The following MED13L variants were observed in gnomAD, a reference collection of about 807,000 sequenced individuals.
The protein encoded by MED13L is mediator of RNA polymerase II transcription subunit 13-like.
Under a neutral mutation model 220.9 loss-of-function variants are expected in MED13L, and 7 were observed. The ratio of observed to expected loss-of-function variants is 0.03; its 90% CI spans 0.02 to 0.06. The LOEUF (loss-of-function observed/expected upper bound fraction) is 0.06, where lower values mean the gene tolerates loss of function less well. Among genes scored for constraint, MED13L ranks in the 10% least tolerant of loss-of-function variants. The probability of loss-of-function intolerance (pLI) is 1.00; values close to 1 mark genes in which losing one functional copy is unlikely to be tolerated. For missense variants in MED13L, 1,965 were observed against 2,760.5 expected (o/e 0.71, Z 6.46); for synonymous variants, 1,011 against 1,015.2 (o/e 1.00, Z 0.08).
chr12:116,262,785 T>C (rs1565956085), intron 1 of MED13L, among the ~76,000 whole-genome samples: 1 of 152,210 alleles, frequency 6.6e-6, no homozygotes, highest in Non-Finnish European at 1.5e-5. Context: ...TGTTATAGGA[T>C]CTTGCAGATT....
chr12:115,991,187 C>T lies in MED13L; in HGVS notation c.3767G>A (p.Cys1256Tyr). Reference sequence around the variant, plus strand: ...CACCCGGTCATAACTCCAGCTTACACAGGGAAGAGTTTGGCGATTGTTAGA... The same window carrying T: ...CACCCGGTCATAACTCCAGCTTACATAGGGAAGAGTTTGGCGATTGTTAGA... ...ISSNNRQTLP[C>Y]VSWSYDRVQA... Residue 1256 changes from cysteine (C) to tyrosine (Y), a missense_variant, in exon 17 of 31, where the codon TGT becomes TAT. By Grantham distance (194) the Cys-to-Tyr change is radical (BLOSUM62 -2). This residue lies in a region of MED13L where 165 missense variants were observed against 190.8 expected (regional missense o/e 0.86). Transcript: ENST00000281928. This position sits in a 1 kb window ranked among gnomAD's most constrained non-coding sequence, Gnocchi z 7.7. 1 of 1,614,114 alleles carries T rather than the reference C, an allele frequency of 6.2e-7. No individual in the cohort carries two copies. The highest frequency in any genetic ancestry group is 8.5e-7 in the Non-Finnish European group (1 of 1,180,034).
chr12:116,064,921 C>T lies in MED13L; in HGVS notation c.479+31748G>A, dbSNP rs78364567. 3.4e-3 allele frequency among the ~76,000 whole-genome samples: 510 copies of T among 152,156 alleles called. 19 individuals carry two copies. The East Asian group carries it at 0.08, about 24-fold the overall frequency. ...CTAGCACAATGTGTGGCATATAGTCCGCTTTAAAATAAATATATGTGTCTA... is the reference window on the plus strand; with the variant it reads ...CTAGCACAATGTGTGGCATATAGTCTGCTTTAAAATAAATATATGTGTCTA... On this transcript the variant is annotated intron_variant, in intron 4 of 30. Coordinates refer to ENST00000281928, the MANE Select transcript of MED13L (RefSeq NM_015335.5).
At chr12:116,148,048 T>C (rs1270266094) in intron 2 of MED13L, among the ~76,000 whole-genome samples, 1 of 28,572 alleles carries the variant, frequency 3.5e-5, no homozygotes, top group Non-Finnish European at 6.7e-5. Flanking sequence ...CAAGACCCCA[T>C]CTCAAAAAAA....
At chr12:116,239,897 G>A (rs1870464563) in intron 1 of MED13L, among the ~76,000 whole-genome samples, 1 of 152,300 alleles carries the variant, frequency 6.6e-6, no homozygotes, top group South Asian at 2.1e-4. Context: ...TCACATCTTT[G>A]ATCAGATGGG....
At chr12:116,167,482 C>G (rs914473570) in intron 2 of MED13L, among the ~76,000 whole-genome samples, 1 of 152,054 alleles carries the variant, frequency 6.6e-6, no homozygotes, top group Non-Finnish European at 1.5e-5. Context: ...GGAGGTTTAA[C>G]GTTTCCCCAC....
intron 2 of MED13L, among the ~76,000 whole-genome samples, chr12:116,117,167 T>A (rs1874595743): frequency 6.6e-6 from 1 of 152,046 alleles, no homozygotes; most frequent in African/African-American, 2.4e-5. Flanking sequence ...CTCATTATGC[T>A]AAGTAAAAAG....
intron 3 of MED13L, among the ~76,000 whole-genome samples, chr12:116,108,896 T>C (rs1338435267): frequency 6.6e-6 from 1 of 152,054 alleles, no homozygotes; most frequent in Non-Finnish European, 1.5e-5. Flanking sequence ...TATATATCTA[T>C]CATCTAGCAA....
chr12:116,007,310 G>A, intron 11 of MED13L, 101 bp downstream of exon 11: 5 of 1,059,954 alleles, frequency 4.7e-6, no homozygotes, highest in Non-Finnish European at 7.3e-6. Context: ...AATCAGGCAA[G>A]ACTATCTCAA....
chr12:116,183,450 A>G (rs1329494752), intron 2 of MED13L, among the ~76,000 whole-genome samples: 3 of 152,204 alleles, frequency 2.0e-5, no homozygotes, highest in East Asian at 1.9e-4. Flanking sequence ...AAAACATATC[A>G]AAGTAAAATG....
chr12:116,116,332 T>C (rs7485441), intron 2 of MED13L, among the ~76,000 whole-genome samples: 5,831 of 152,172 alleles, frequency 0.038, 215 homozygotes, highest in Non-Finnish European at 0.051. Flanking sequence ...ACCTACATGA[T>C]TATATAACGA....
rs143748811 is a variant in MED13L, at chr12:115,968,828, G to A, written c.6225+112C>T. 85 of 1,344,820 alleles carry A rather than the reference G, an allele frequency of 6.3e-5. No individual in the cohort carries two copies. In the African/African-American group the frequency reaches 1.2e-3, roughly 19 times the overall value. 83.3% of individuals were successfully genotyped at this position (1,344,820 alleles called of 1,614,324 possible). A position where few individuals can be genotyped will look rare whatever the true frequency, so the allele number is the denominator to read the frequency against. ...CCACACTTATTTCTCTTGTACCAAG[G>A]ACCCAGACCATCAAGAACTGTGCAA... On this transcript the variant is annotated intron_variant, in intron 28 of 30. Transcript: ENST00000281928.
At chr12:115,970,542 C>A (rs184798411) in intron 27 of MED13L, 52 bp downstream of exon 27, 2 of 1,579,254 alleles carry the variant, frequency 1.3e-6, no homozygotes, top group African/African-American at 2.7e-5. Flanking sequence ...TTCCATACTC[C>A]GGCTCTGCCC....
At chr12:116,035,473 C>T (rs1881127008) in intron 4 of MED13L, among the ~76,000 whole-genome samples, 1 of 152,024 alleles carries the variant, frequency 6.6e-6, no homozygotes, top group Non-Finnish European at 1.5e-5. Flanking sequence ...GATACATTTT[C>T]CTATCATTTA....
intron 1 of MED13L, among the ~76,000 whole-genome samples, chr12:116,258,261 A>G (rs551311982): frequency 1.3e-5 from 2 of 152,338 alleles, no homozygotes; most frequent in East Asian, 3.9e-4. Context: ...CAAGCTACTT[A>G]AATTTCTTGT....
At chr12:116,033,278 G>C (rs115939778) in intron 4 of MED13L, among the ~76,000 whole-genome samples, 2 of 151,926 alleles carry the variant, frequency 1.3e-5, no homozygotes, top group African/African-American at 4.8e-5. Flanking sequence ...TAAACACCTG[G>C]GCTTATACCT....
At chr12:115,964,819 A>C (rs186513527) in intron 29 of MED13L, among the ~76,000 whole-genome samples, 11 of 152,284 alleles carry the variant, frequency 7.2e-5, no homozygotes, top group Non-Finnish European at 1.5e-4. Flanking sequence ...GCATATCTGG[A>C]ATCAGTCATC....
At chr12:116,172,786 A>G (rs151067296) in intron 2 of MED13L, among the ~76,000 whole-genome samples, 3 of 152,276 alleles carry the variant, frequency 2.0e-5, no homozygotes, top group East Asian at 3.9e-4. Flanking sequence ...GAGATTATAT[A>G]TATGAAAATA....
chr12:116,054,287 T>A (rs1868765513), intron 4 of MED13L, among the ~76,000 whole-genome samples: 1 of 152,058 alleles, frequency 6.6e-6, no homozygotes, highest in Non-Finnish European at 1.5e-5. Context: ...TACTCTGGTA[T>A]CCAAATCCCA....
At chr12:116,246,196 T>G (rs1309795257) in intron 1 of MED13L, among the ~76,000 whole-genome samples, 1 of 151,280 alleles carries the variant, frequency 6.6e-6, no homozygotes, top group Non-Finnish European at 1.5e-5. Flanking sequence ...TAAACGCATT[T>G]TTAGACATGC....
Sources: gnomAD v4.1 joint callset for allele counts (sites outside exome capture counted in the v4.1 genomes callset) on GRCh38, gnomAD v4.1.1 for gene constraint, gnomAD v4.1.1 regional missense constraint, Gnocchi (gnomAD v3.1) non-coding constraint, MANE v1.5 for transcripts, NCBI Gene and HGNC (gene_info 2026-07-23, HGNC 2026-07-21) for gene names.